The following SERF2 variants were observed in gnomAD, a reference collection of about 807,000 sequenced individuals.
SERF2 encodes small EDRK-rich factor 2.
SERF2 carries 4 observed loss-of-function variants against 10.7 expected under a neutral mutation model. The ratio of observed to expected loss-of-function variants is 0.37; its 90% confidence interval spans 0.18 to 0.86. The LOEUF (loss-of-function observed/expected upper bound fraction) is 0.86. SERF2 is among the 40% of genes least tolerant of loss of function. The pLI, the probability that SERF2 is intolerant of heterozygous loss-of-function variation, is 0.43. For missense variants in SERF2, 47 were observed against 79.1 expected (o/e 0.59, Z 1.54); for synonymous variants, 26 against 26.0 (o/e 1.00, Z 0.01).
chr15:43,790,384 C>G (rs1284207529), upstream of SERF2, among the ~76,000 whole-genome samples: 1 of 151,854 alleles, frequency 6.6e-6, no homozygotes, highest in Non-Finnish European at 1.5e-5. Context: ...GAGAGGCAGA[C>G]AGGGAGAGGG....
At chr15:43,781,592 CTT>C (rs565641402) in intron 1 of SERF2, among the ~76,000 whole-genome samples, 56 of 134,520 alleles carry the variant, frequency 4.2e-4, no homozygotes, top group Non-Finnish European at 5.9e-4. Flanking sequence ...TGCATTTTTC[CTT>C]TTTTTTTTTT....
At position 43,795,184 on chromosome 15, in the gene SERF2, A is replaced by C; in HGVS notation, c.*1411A>C. On this transcript the variant is annotated 3_prime_UTR_variant, in exon 3 of 3. Transcript: ENST00000249786. ...GAAGGTGGCCCAGCTACCCTTGATGAAGGTCTTTTCCAGTTCTGCTCCCTC... is the reference window on the plus strand; with the variant it reads ...GAAGGTGGCCCAGCTACCCTTGATGCAGGTCTTTTCCAGTTCTGCTCCCTC... 1 of 1,614,072 alleles carries C rather than the reference A, an allele frequency of 6.2e-7. No homozygotes were observed. The highest frequency in any genetic ancestry group is 2.2e-5 in the East Asian group (1 of 44,882).
At chr15:43,793,379 C>T (rs925546700) in intron 2 of SERF2, 3 of 598,598 alleles carry the variant, frequency 5.0e-6, no homozygotes, top group Non-Finnish European at 8.7e-6. Flanking sequence ...GTTACGGCAG[C>T]CCAGTACTTT....
At chr15:43,779,379 T>G (rs1394186970) in intron 1 of SERF2, among the ~76,000 whole-genome samples, 1 of 152,128 alleles carries the variant, frequency 6.6e-6, no homozygotes, top group Non-Finnish European at 1.5e-5. Context: ...TGTCAAACAC[T>G]AAGGACTGAT....
rs1294873296 is a variant in SERF2 at position 43,794,232 on chromosome 15, G to A, written c.*459G>A. The stretch of plus-strand genomic sequence containing the variant: ...AAACAAGTACTCCGGATATGCAGTA[G>A]AGGAATCCTCTAAGAACCATAGAGA... On this transcript the variant is annotated 3_prime_UTR_variant, in exon 3 of 3. Transcript: ENST00000249786. The A allele has an allele frequency of 2.4e-5, 11 of 457,808 alleles. No individual in the cohort carries two copies. The highest frequency in any genetic ancestry group is 3.6e-5 in the East Asian group (1 of 28,070). The allele number at this position is 457,808 out of a possible 1,614,324, so 28.4% of individuals were successfully genotyped here. A position where few individuals can be genotyped will look rare whatever the true frequency, so the allele number is the denominator to read the frequency against.
chr15:43,788,877 C>T (rs977426059), upstream of SERF2, among the ~76,000 whole-genome samples: 2 of 152,044 alleles, frequency 1.3e-5, no homozygotes, highest in Non-Finnish European at 2.9e-5. Context: ...GGGCCGGGCG[C>T]GGTGGCTCAC....
At chr15:43,789,895 C>G (rs1596036847), upstream of SERF2, among the ~76,000 whole-genome samples, 1 of 152,020 alleles carries the variant, frequency 6.6e-6, no homozygotes, top group East Asian at 1.9e-4. Context: ...TATCCCAGCA[C>G]TGTGGGAGGC....
In SERF2 at chr15:43,795,963, G is replaced by A; in HGVS notation, c.*2190G>A. 1 of 642,438 alleles carries A rather than the reference G, an allele frequency of 1.6e-6. No homozygotes were observed. Among genetic ancestry groups the A allele is most frequent in the Non-Finnish European group, 2.7e-6 (1 of 363,684 alleles). 39.8% of individuals were successfully genotyped at this position (642,438 alleles called of 1,614,324 possible). On this transcript the variant is annotated 3_prime_UTR_variant, in exon 3 of 3. Transcript: ENST00000249786. ...AATGGAGCAAATACCTACCTCACAG[G>A]GTTGTTGTGAGGGTTAAATTAAATG...
At chr15:43,793,373 C>A in intron 2 of SERF2, 1 of 592,314 alleles carries the variant, frequency 1.7e-6, no homozygotes, top group Non-Finnish European at 3.0e-6. Context: ...GTTGTGGTTA[C>A]GGCAGCCCAG....
chr15:43,791,821 T>C (rs1013866575), upstream of SERF2: 5 of 156,420 alleles, frequency 3.2e-5, no homozygotes, highest in South Asian at 8.4e-4. Context: ...GTTTCTGAAG[T>C]TGTGTTTGTA....
At chr15:43,790,620 T>A (rs2087047588), upstream of SERF2, among the ~76,000 whole-genome samples, 1 of 151,514 alleles carries the variant, frequency 6.6e-6, no homozygotes, top group African/African-American at 2.4e-5. Context: ...AATACAAAAA[T>A]TAGCCGGGCA....
intron 2 of SERF2, among the ~76,000 whole-genome samples, chr15:43,786,027 G>T (rs1335772042): frequency 1.3e-5 from 2 of 151,730 alleles, no homozygotes; most frequent in East Asian, 3.9e-4. Context: ...TTTTCTGCTT[G>T]TGTTTTTTTG....
chr15:43,792,594 TC>T, intron 1 of SERF2: 2 of 1,443,418 alleles, frequency 1.4e-6, no homozygotes, highest in African/African-American at 2.9e-5. Context: ...GCATAGGCCC[TC>T]CCGGATCTTC....
rs1204292874 is a variant in SERF2 at position 43,795,091 on chromosome 15, CAG to C, written c.*1321_*1322del. On this transcript the variant is annotated 3_prime_UTR_variant, in exon 3 of 3. Transcript: ENST00000249786. ...CTGGGGTTTCTGGGTGGGGGGCCAACAGAGTGGTGCCAGTAACAGCCCCAGAT... is the reference window on the plus strand; with the variant it reads ...CTGGGGTTTCTGGGTGGGGGGCCAACAGTGGTGCCAGTAACAGCCCCAGAT... 2 of 1,613,738 alleles carry C rather than the reference CAG, an allele frequency of 1.2e-6. No individual in the cohort carries two copies. The highest frequency in any genetic ancestry group is 1.7e-6 in the Non-Finnish European group (2 of 1,180,008).
chr15:43,788,173 C>G (rs1397072912), upstream of SERF2, among the ~76,000 whole-genome samples: 1 of 152,106 alleles, frequency 6.6e-6, no homozygotes, highest in African/African-American at 2.4e-5. Context: ...CCACGTTCAG[C>G]CTAATTTTTA....
chr15:43,796,079 A>C lies in SERF2; in HGVS notation c.*2306A>C. 1.1e-5 allele frequency: 11 copies of C among 1,042,094 alleles called. No homozygotes were observed. The highest frequency in any genetic ancestry group is 1.4e-5 in the Non-Finnish European group (9 of 663,552). 64.6% of individuals were successfully genotyped at this position (1,042,094 alleles called of 1,614,324 possible). On this transcript the variant is annotated 3_prime_UTR_variant, in exon 3 of 3. Transcript: ENST00000249786. ...CAGCTATAATCTGAGCATTCTGGGT[A>C]GAGGTTGGTAGGATGTGTGTGTGTC...
chr15:43,780,489 T>C (rs2086956087), intron 1 of SERF2, among the ~76,000 whole-genome samples: 1 of 152,164 alleles, frequency 6.6e-6, no homozygotes, highest in Admixed American at 6.5e-5. Flanking sequence ...AAGTATCGCC[T>C]ATCCTATCGC....
intron 2 of SERF2, among the ~76,000 whole-genome samples, chr15:43,785,707 T>C (rs905125272): frequency 1.4e-5 from 2 of 147,814 alleles, no homozygotes; most frequent in Non-Finnish European, 3.0e-5. Context: ...TCTTTTTCTT[T>C]TTTTTTTTTT....
chr15:43,786,414 CAA>C (rs1190326241), intron 2 of SERF2, among the ~76,000 whole-genome samples: 24 of 69,004 alleles, frequency 3.5e-4, no homozygotes, highest in Admixed American at 3.1e-4. Context: ...GACTCTGTCT[CAA>C]AAAAAAAAAA....
Sources: allele counts gnomAD v4.1 joint callset (sites outside exome capture counted in the v4.1 genomes callset), GRCh38; gene constraint gnomAD v4.1.1; transcripts MANE v1.5; gene names NCBI Gene and HGNC (gene_info 2026-07-23, HGNC 2026-07-21).